Variants in ERMARD observed in about 807,000 individuals in gnomAD.
ERMARD encodes the protein endoplasmic reticulum membrane-associated RNA degradation protein.
In ERMARD, 71 loss-of-function variants were observed where a neutral mutation model predicts 83.9. That is an observed-to-expected ratio of 0.85 (90% CI 0.70 to 1.03). ERMARD has a LOEUF of 1.03. Ranked by LOEUF, ERMARD falls within the 50% of genes least tolerant of loss-of-function variation. ERMARD has a pLI of 0.00. For synonymous variants in ERMARD, 284 were observed against 298.6 expected (o/e 0.95, Z 0.50); for missense variants, 838 against 810.9 (o/e 1.03, Z -0.41).
At chr6:169,753,003 C>T (rs1226592672) in intron 1 of ERMARD, 1 of 152,172 alleles carries the variant, frequency 6.6e-6, no homozygotes, top group Non-Finnish European at 1.5e-5. Context: ...GAAATGGTGG[C>T]TTAGAACTAC....
At chr6:169,759,404 T>A (rs373688310) in intron 6 of ERMARD, among the ~76,000 whole-genome samples, 40 of 152,102 alleles carry the variant, frequency 2.6e-4, no homozygotes, top group African/African-American at 9.4e-4. Context: ...GTCTAATTCC[T>A]ACATCGAGAG....
chr6:169,760,398 A>G (rs1294549563), intron 7 of ERMARD, among the ~76,000 whole-genome samples: 1 of 152,192 alleles, frequency 6.6e-6, no homozygotes, highest in Non-Finnish European at 1.5e-5. Context: ...CATTGTGCTC[A>G]GTTGGTCCAT....
intron 12 of ERMARD, chr6:169,772,968 G>T (rs188297334): frequency 9.5e-6 from 2 of 210,990 alleles, no homozygotes; most frequent in East Asian, 2.1e-4. Context: ...ATGTTTATGC[G>T]ATCCTTTTTT....
intron 1 of ERMARD, 28 bp from the exon 2 acceptor site, chr6:169,753,836 G>A (rs1421768067): frequency 1.2e-5 from 18 of 1,479,674 alleles, no homozygotes; most frequent in Non-Finnish European, 1.5e-5. Flanking sequence ...CTGTTAAGCA[G>A]TGCCTTTTAT....
intron 3 of ERMARD, chr6:169,755,728 T>C (rs1790735453): frequency 3.4e-6 from 1 of 297,614 alleles, no homozygotes; most frequent in South Asian, 4.9e-5. Context: ...GAATAAGGCG[T>C]TGTGGAGAGG....
intron 9 of ERMARD, among the ~76,000 whole-genome samples, chr6:169,763,585 G>T (rs1464507084): frequency 2.0e-5 from 3 of 152,236 alleles, no homozygotes; most frequent in Non-Finnish European, 2.9e-5. Flanking sequence ...GAGGGCAGGT[G>T]CAGCCGCTCC....
At chr6:169,764,504 A>G (rs898809035) in intron 9 of ERMARD, among the ~76,000 whole-genome samples, 9 of 152,010 alleles carry the variant, frequency 5.9e-5, no homozygotes, top group Non-Finnish European at 1.3e-4. Context: ...ACTCCTGGGC[A>G]TAAGTCATCC....
intron 17 of ERMARD, 127 bp from the exon 18 acceptor site, chr6:169,781,203 T>C: frequency 1.2e-6 from 1 of 845,228 alleles, no homozygotes. Context: ...TTTATTTTTC[T>C]TGAATCCTCA....
chr6:169,778,432 ACAG>A (rs1230415371), intron 16 of ERMARD, among the ~76,000 whole-genome samples: 1 of 152,166 alleles, frequency 6.6e-6, no homozygotes, highest in East Asian at 1.9e-4. Context: ...TTAAAATATA[ACAG>A]CAGATTAACT....
In ERMARD at chr6:169,768,190, C is replaced by G. The variant is rs1369831336; in HGVS notation, c.1059+19C>G. The G allele has an allele frequency of 3.7e-6, 6 of 1,605,502 alleles. No individual in the cohort carries two copies. In the East Asian group the frequency reaches 8.9e-5, roughly 24 times the overall value. On this transcript the variant is annotated intron_variant, in intron 11 of 17. Transcript: ENST00000366773. ...TGCTATGGTAAGTATTAGGTATTTT[C>G]CAGGCTAATATTCTTGTATTTATGG...
rs1485715081 is a variant in ERMARD at position 169,756,760 on chromosome 6, A to G, written c.459A>G (p.Arg153=). 1 of 1,614,078 alleles carries G rather than the reference A, an allele frequency of 6.2e-7. No individual in the cohort carries two copies. Among genetic ancestry groups the G allele is most frequent in the Admixed American group, 1.7e-5 (1 of 60,030 alleles). The part of the protein sequence containing the change: ...LIGKECPFLL[R]DLLSSEELAQ... ...GGAAGGAATGCCCCTTTCTTTTAAG[A>G]GATCTGCTTTCATCTGAGGAGCTTG... Residue 153 remains arginine (R), a synonymous_variant, in exon 5 of 18, where the codon AGA becomes AGG. Transcript: ENST00000366773.
chr6:169,765,921 G>A (rs544654974), intron 9 of ERMARD, among the ~76,000 whole-genome samples: 2 of 82,742 alleles, frequency 2.4e-5, no homozygotes, highest in Admixed American at 1.2e-4. Context: ...AAGTGATTTC[G>A]TCACGCTGTC....
intron 9 of ERMARD, among the ~76,000 whole-genome samples, chr6:169,764,139 T>A (rs1221033100): frequency 6.6e-6 from 1 of 152,168 alleles, no homozygotes; most frequent in East Asian, 1.9e-4. Flanking sequence ...CTTGTGCTCT[T>A]CCTGTCCAAA....
chr6:169,761,682 T>TTGTTTTGTTG (rs1297081342), intron 8 of ERMARD, among the ~76,000 whole-genome samples: 3 of 151,960 alleles, frequency 2.0e-5, no homozygotes, highest in Non-Finnish European at 2.9e-5. Context: ...TGGTTTTGTT[T>TTGTTTTGTTG]TGTTTTGTTT....
intron 9 of ERMARD, among the ~76,000 whole-genome samples, chr6:169,764,809 C>T (rs1791997158): frequency 6.6e-6 from 1 of 152,148 alleles, no homozygotes; most frequent in Non-Finnish European, 1.5e-5. Context: ...TTACTTTGTT[C>T]CTCACCCCCA....
intron 15 of ERMARD, 101 bp downstream of exon 15, chr6:169,776,166 G>A (rs974023225): frequency 2.6e-6 from 4 of 1,559,342 alleles, no homozygotes; most frequent in East Asian, 2.3e-5. Flanking sequence ...AAACTTGGTA[G>A]TAGTCTTAGA....
Position 169,768,031 on chromosome 6 carries a change from A to T in ERMARD, c.991-72A>T, listed in dbSNP as rs554285967. Reference sequence around the variant, plus strand: ...AAGTTAGGCTAAAAGTACTATATCCATCAACTCTGAAAGTTCTGTATGTTT... The same window carrying T: ...AAGTTAGGCTAAAAGTACTATATCCTTCAACTCTGAAAGTTCTGTATGTTT... On this transcript the variant is annotated intron_variant, in intron 10 of 17. Transcript: ENST00000366773. 7.2e-6 allele frequency: 9 copies of T among 1,256,372 alleles called. No homozygotes were observed. In the South Asian group the frequency reaches 1.1e-4, roughly 15 times the overall value. The allele number at this position is 1,256,372 out of a possible 1,614,324, so 77.8% of individuals were successfully genotyped here. A position where few individuals can be genotyped will look rare whatever the true frequency, so the allele number is the denominator to read the frequency against.
intron 2 of ERMARD, among the ~76,000 whole-genome samples, chr6:169,754,694 AG>A (rs1321307297): frequency 6.6e-6 from 1 of 152,230 alleles, no homozygotes; most frequent in Non-Finnish European, 1.5e-5. Flanking sequence ...CATCTTATAC[AG>A]AAGTCTCTGA....
intron 10 of ERMARD, chr6:169,767,757 ACACAC>A (rs1406173210): frequency 2.8e-5 from 2 of 70,946 alleles, no homozygotes; most frequent in Admixed American, 6.4e-4. Context: ...CACATACACT[ACACAC>A]ACACACACAC....
Sources: gnomAD v4.1 joint callset for allele counts (sites outside exome capture counted in the v4.1 genomes callset) on GRCh38, gnomAD v4.1.1 for gene constraint, MANE v1.5 for transcripts, NCBI Gene and HGNC (gene_info 2026-07-23, HGNC 2026-07-21) for gene names.